The following VPS37B variants were observed in gnomAD, a reference collection of about 807,000 sequenced individuals.
The protein encoded by VPS37B is vacuolar protein sorting-associated protein 37B.
Under a neutral mutation model 21.2 loss-of-function variants are expected in VPS37B, and 11 were observed. That is an observed-to-expected ratio of 0.52 (90% confidence interval 0.33 to 0.86). VPS37B has a LOEUF of 0.86. Among genes scored for constraint, VPS37B ranks in the 40% least tolerant of loss-of-function variants. The pLI, the probability that VPS37B is intolerant of heterozygous loss-of-function variation, is 0.03. For missense variants in VPS37B, 389 were observed against 374.8 expected, an observed-to-expected ratio of 1.04 and a Z score of -0.31; for synonymous variants, 175 against 159.6, an observed-to-expected ratio of 1.10 and a Z score of -0.73.
intron 1 of VPS37B, chr12:122,872,464 T>C (rs4759384): frequency 0.95 from 935,875 of 985,386 alleles, 444,604 homozygotes; most frequent in East Asian, 0.99. Context: ...AGGAGTGTCC[T>C]CGAAATGTGG....
At chr12:122,889,034 G>A (rs2034370722) in intron 1 of VPS37B, 1 of 160,362 alleles carries the variant, frequency 6.2e-6, no homozygotes, top group African/African-American at 2.4e-5. Flanking sequence ...TCCACTTGAA[G>A]CCCGGTTATC....
chr12:122,895,519 C>T (rs1203074295), intron 1 of VPS37B, among the ~76,000 whole-genome samples: 1 of 151,844 alleles, frequency 6.6e-6, no homozygotes, highest in Non-Finnish European at 1.5e-5. Context: ...CTCAGATCCC[C>T]CCAGTTCCGT....
chr12:122,894,078 A>G (rs192851599), intron 1 of VPS37B, among the ~76,000 whole-genome samples: 10 of 152,340 alleles, frequency 6.6e-5, no homozygotes, highest in Admixed American at 2.0e-4. Context: ...AATAACTTGT[A>G]GGCAGTGTTA....
At position 122,866,785 on chromosome 12, in the gene VPS37B, G is replaced by A; in HGVS notation, c.*331C>T. ...ATGCTCATTAAATAAAGCTGCAACA[G>A]AAGGACCACGATTCTAAATGGGACT... On this transcript the variant is annotated 3_prime_UTR_variant, in exon 4 of 4. Coordinates refer to ENST00000267202, the MANE Select transcript of VPS37B (RefSeq NM_024667.3). 3.5e-6 allele frequency: 1 copy of A among 285,404 alleles called. No homozygotes were observed. The highest frequency in any genetic ancestry group is 5.0e-5 in the Admixed American group (1 of 20,012). The allele number at this position is 285,404 out of a possible 1,614,324, so 17.7% of individuals were successfully genotyped here. A position where few individuals can be genotyped will look rare whatever the true frequency, so the allele number is the denominator to read the frequency against.
In VPS37B at chr12:122,867,710, T is replaced by C; in HGVS notation, c.367-103A>G. Reference sequence around the variant, plus strand: ...GGCAACGCCCAGCTGCTTCCAACACTGCCCCCTCCCTGTAACCACCCAGAG... The same window carrying C: ...GGCAACGCCCAGCTGCTTCCAACACCGCCCCCTCCCTGTAACCACCCAGAG... On this transcript the variant is annotated intron_variant, in intron 3 of 3. Transcript: ENST00000267202. This position sits in a 1 kb window ranked among gnomAD's most constrained non-coding sequence, Gnocchi z 5.5. The C allele has an allele frequency of 2.0e-6, 3 of 1,508,236 alleles. No homozygotes were observed. Among genetic ancestry groups the C allele is most frequent in the Non-Finnish European group, 2.7e-6 (3 of 1,108,464 alleles). 93.4% of individuals were successfully genotyped at this position (1,508,236 alleles called of 1,614,324 possible). A position where few individuals can be genotyped will look rare whatever the true frequency, so the allele number is the denominator to read the frequency against.
chr12:122,872,814 A>G (rs2034064186), intron 1 of VPS37B: 2 of 502,866 alleles, frequency 4.0e-6, no homozygotes, highest in Non-Finnish European at 2.6e-6. Flanking sequence ...ATATTCAACA[A>G]AAACCTGCTC....
At chr12:122,882,822 T>G (rs1375397071) in intron 1 of VPS37B, 2 of 152,220 alleles carry the variant, frequency 1.3e-5, no homozygotes, top group Non-Finnish European at 1.5e-5. Flanking sequence ...ATTTCACCAG[T>G]CTCCACCTGA....
At chr12:122,872,726 TAATAAAGCTG>T (rs2034062439) in intron 1 of VPS37B, 1 of 982,470 alleles carries the variant, frequency 1.0e-6, no homozygotes, top group African/African-American at 1.7e-5. Flanking sequence ...AGGCACTTTT[TAATAAAGCTG>T]AATACGTAAC....
chr12:122,891,233 G>A (rs961641193), intron 1 of VPS37B, among the ~76,000 whole-genome samples: 2 of 152,226 alleles, frequency 1.3e-5, no homozygotes, highest in Non-Finnish European at 2.9e-5. Context: ...AAACGCAGAA[G>A]AGCAACTAAA....
chr12:122,867,134 C>A lies in VPS37B; in HGVS notation c.840G>T (p.Pro280=), dbSNP rs778146581. The A allele has an allele frequency of 6.5e-7, 1 of 1,532,448 alleles. No homozygotes were observed. The highest frequency in any genetic ancestry group is 8.7e-7 in the Non-Finnish European group (1 of 1,146,762). The allele number at this position is 1,532,448 out of a possible 1,614,324, so 94.9% of individuals were successfully genotyped here. ...RPPPRLPPHQ[P]GFILQ ...CCGGCGCTCACTGGAGGATGAAACC[C>A]GGCTGGTGTGGAGGGAGCCGGGGCG... Residue 280 remains proline (P), a synonymous_variant, in exon 4 of 4, where the codon CCG becomes CCT. Transcript: ENST00000267202. The surrounding 1 kb of genome is among the most constrained non-coding windows in gnomAD (Gnocchi z 5.5).
intron 1 of VPS37B, among the ~76,000 whole-genome samples, chr12:122,894,920 C>G (rs907692480): frequency 1.3e-5 from 2 of 152,158 alleles, no homozygotes; most frequent in Non-Finnish European, 2.9e-5. Context: ...CTCCAGGAAC[C>G]TTCCTTAGTC....
chr12:122,892,167 A>C (rs976964112), intron 1 of VPS37B, among the ~76,000 whole-genome samples: 1 of 152,240 alleles, frequency 6.6e-6, no homozygotes, highest in Non-Finnish European at 1.5e-5. Context: ...CATGCATATG[A>C]AACATTAGCC....
At position 122,871,069 on chromosome 12, in the gene VPS37B, G is replaced by C. The variant is rs1373803432; in HGVS notation, c.112-8C>G. The C allele has an allele frequency of 5.6e-6, 9 of 1,613,324 alleles. No individual in the cohort carries two copies. Among genetic ancestry groups the C allele is most frequent in the Admixed American group, 1.7e-5 (1 of 59,914 alleles). On this transcript the variant is annotated splice_region_variant and splice_polypyrimidine_tract_variant and intron_variant, in intron 1 of 3. Transcript: ENST00000267202. ...AAGCTGAACATTCTGTGTCTGCAAG[G>C]AACACACAAGATGATGAGAACCAAA...
At position 122,868,406 on chromosome 12, in the gene VPS37B, C is replaced by T. The variant is rs1010428504; in HGVS notation, c.366+74G>A. 1.4e-6 allele frequency: 2 copies of T among 1,399,814 alleles called. No individual in the cohort carries two copies. Among genetic ancestry groups the T allele is most frequent in the East Asian group, 2.4e-5 (1 of 42,166 alleles). 86.7% of individuals were successfully genotyped at this position (1,399,814 alleles called of 1,614,324 possible). A position where few individuals can be genotyped will look rare whatever the true frequency, so the allele number is the denominator to read the frequency against. On this transcript the variant is annotated intron_variant, in intron 3 of 3. Transcript: ENST00000267202. This position sits in a 1 kb window ranked among gnomAD's most constrained non-coding sequence, Gnocchi z 5.5. ...CCTGGCCGTGGCGGTGTGGCACTCACGGTCCCTGGAGGCAGCGGGCCCACG... is the reference window on the plus strand; with the variant it reads ...CCTGGCCGTGGCGGTGTGGCACTCATGGTCCCTGGAGGCAGCGGGCCCACG...
intron 1 of VPS37B, among the ~76,000 whole-genome samples, chr12:122,892,367 C>T (rs962679442): frequency 6.6e-6 from 1 of 152,120 alleles, no homozygotes; most frequent in Non-Finnish European, 1.5e-5. Context: ...ATGTAAGTGA[C>T]GCATAATGAA....
At chr12:122,871,868 C>T (rs757534151) in intron 1 of VPS37B, 24 of 985,188 alleles carry the variant, frequency 2.4e-5, no homozygotes, top group Non-Finnish European at 2.7e-5. Flanking sequence ...AACACAAACG[C>T]GTGGGTACCC....
intron 1 of VPS37B, among the ~76,000 whole-genome samples, chr12:122,894,226 G>C (rs1043711850): frequency 6.6e-6 from 1 of 152,204 alleles, no homozygotes; most frequent in Non-Finnish European, 1.5e-5. Flanking sequence ...AACTCATTCA[G>C]CTAAGAAGGA....
chr12:122,873,178 G>GT (rs1397713303), intron 1 of VPS37B: 2 of 152,248 alleles, frequency 1.3e-5, no homozygotes, highest in African/African-American at 4.8e-5. Flanking sequence ...TGTCCTGGCA[G>GT]TATCAGTGCC....
intron 2 of VPS37B, 181 bp downstream of exon 2, chr12:122,870,709 G>A: frequency 1.6e-6 from 1 of 635,730 alleles, no homozygotes; most frequent in Non-Finnish European, 2.5e-6. Context: ...CAGTCTGACA[G>A]AGCAAGACCC....
Sources: gnomAD v4.1 joint callset for allele counts (sites outside exome capture counted in the v4.1 genomes callset) on GRCh38, gnomAD v4.1.1 for gene constraint, Gnocchi (gnomAD v3.1) non-coding constraint, MANE v1.5 for transcripts, NCBI Gene and HGNC (gene_info 2026-07-23, HGNC 2026-07-21) for gene names.